The following SLC28A1 variants were observed in gnomAD, a reference collection of about 807,000 sequenced individuals.
The protein encoded by SLC28A1 is sodium/nucleoside cotransporter 1.
In SLC28A1, 64 loss-of-function variants were observed where a neutral mutation model predicts 74.8. The ratio of observed to expected loss-of-function variants is 0.86; its 90% CI spans 0.70 to 1.05. The LOEUF (loss-of-function observed/expected upper bound fraction) is 1.05. Ranked by LOEUF, SLC28A1 falls within the 50% of genes least tolerant of loss-of-function variation. The pLI, the probability that SLC28A1 is intolerant of heterozygous loss-of-function variation, is 0.00. For synonymous variants in SLC28A1, 359 were observed against 335.0 expected (o/e 1.07, Z -0.78); for missense variants, 828 against 822.8 (o/e 1.01, Z -0.08).
At chr15:84,886,991 G>T (rs1390227001) in intron 2 of SLC28A1, among the ~76,000 whole-genome samples, 2 of 152,196 alleles carry the variant, frequency 1.3e-5, no homozygotes, top group East Asian at 3.9e-4. Context: ...GAGAGAGGAG[G>T]TGTTAGTTAC....
intron 6 of SLC28A1, among the ~76,000 whole-genome samples, chr15:84,900,026 A>T (rs1966484723): frequency 6.6e-6 from 1 of 152,068 alleles, no homozygotes; most frequent in Non-Finnish European, 1.5e-5. Context: ...GCAGGCAAGC[A>T]AGCCTGCCGG....
At chr15:84,974,146 C>T in the SLC28A1 span, among the ~76,000 whole-genome samples, 2 of 152,304 alleles carry the variant, frequency 1.3e-5, no homozygotes, top group South Asian at 4.1e-4. Flanking sequence ...ATCGTTGCGG[C>T]TGACATTTAA....
the SLC28A1 span, among the ~76,000 whole-genome samples, chr15:84,953,792 T>G: frequency 6.6e-6 from 1 of 152,328 alleles, no homozygotes; most frequent in East Asian, 1.9e-4. Context: ...TTACCTCATT[T>G]GTAAAAAATG....
At chr15:84,901,256 A>G (rs189051920) in intron 6 of SLC28A1, among the ~76,000 whole-genome samples, 18 of 152,368 alleles carry the variant, frequency 1.2e-4, no homozygotes, top group African/African-American at 4.3e-4. Flanking sequence ...CTATAACCCC[A>G]GCACTTTGGG....
rs540796214 is a variant in SLC28A1 at position 84,891,615 on chromosome 15, G to C, written c.277+1081G>C. On this transcript the variant is annotated intron_variant, in intron 5 of 18. Transcript: ENST00000394573. ...CAAAGGAGCAAGGGTTTCAAGGAGGGAAAGATCAGCAGCATCTCTGCAAGA... is the reference window on the plus strand; with the variant it reads ...CAAAGGAGCAAGGGTTTCAAGGAGGCAAAGATCAGCAGCATCTCTGCAAGA... Among the ~76,000 whole-genome samples the C allele has an allele frequency of 7.9e-5, 12 of 152,304 alleles. No individual in the cohort carries two copies. In the East Asian group the frequency reaches 1.9e-3, roughly 24 times the overall value.
rs1482764423 is a variant in SLC28A1, at chr15:84,945,567, C to G, written c.*367C>G. 1 of 327,996 alleles carries G rather than the reference C, an allele frequency of 3.0e-6. No individual in the cohort carries two copies. The highest frequency in any genetic ancestry group is 7.8e-5 in the East Asian group (1 of 12,862). The allele number at this position is 327,996 out of a possible 1,614,324, so 20.3% of individuals were successfully genotyped here. On this transcript the variant is annotated 3_prime_UTR_variant, in exon 19 of 19. Coordinates refer to ENST00000394573, the MANE Select transcript of SLC28A1 (RefSeq NM_004213.5). ...CTTCCCTTCTGTTGTGGGCTGCACA[C>G]CAAAGCCTCCTCCCCTCCCCACTTC...
At chr15:84,891,748 C>T (rs1199527159) in intron 5 of SLC28A1, among the ~76,000 whole-genome samples, 2 of 152,180 alleles carry the variant, frequency 1.3e-5, no homozygotes, top group African/African-American at 2.4e-5. Flanking sequence ...GCAGATGAGG[C>T]TGTGCAGACA....
the SLC28A1 span, among the ~76,000 whole-genome samples, chr15:84,967,979 T>A: frequency 6.6e-6 from 1 of 152,136 alleles, no homozygotes; most frequent in Non-Finnish European, 1.5e-5. Flanking sequence ...GGATTTCCTA[T>A]CTGGTCCACT....
the SLC28A1 span, among the ~76,000 whole-genome samples, chr15:84,963,531 C>T: frequency 6.6e-6 from 1 of 152,182 alleles, no homozygotes; most frequent in Non-Finnish European, 1.5e-5. Context: ...CACCCTTTCA[C>T]AAAGTGGCCC....
At chr15:84,944,150 C>G (rs1973038927) in intron 16 of SLC28A1, among the ~76,000 whole-genome samples, 1 of 152,200 alleles carries the variant, frequency 6.6e-6, no homozygotes, top group Admixed American at 6.5e-5. Flanking sequence ...GCACAGTTCT[C>G]AGTTCTTTAC....
chr15:84,916,910 C>T (rs1270104695), intron 9 of SLC28A1, among the ~76,000 whole-genome samples: 1 of 151,746 alleles, frequency 6.6e-6, no homozygotes, highest in Non-Finnish European at 1.5e-5. Context: ...CGCCTGTAAT[C>T]CCAGCTACTT....
Position 84,944,962 on chromosome 15 carries a change from T to C in SLC28A1, c.1874+95T>C, listed in dbSNP as rs186938578. The C allele has an allele frequency of 1.9e-3, 2,047 of 1,101,704 alleles. 10 individuals carry two copies. Among genetic ancestry groups the C allele is most frequent in the South Asian group, 2.7e-3 (219 of 79,826 alleles). The allele number at this position is 1,101,704 out of a possible 1,614,324, so 68.2% of individuals were successfully genotyped here. On this transcript the variant is annotated intron_variant, in intron 18 of 18. Transcript: ENST00000394573. ...GATGCCTTTGGTACCAGGGTGAGGGTAGAAATGTTACGGCTGCAGCTAATG... is the reference window on the plus strand; with the variant it reads ...GATGCCTTTGGTACCAGGGTGAGGGCAGAAATGTTACGGCTGCAGCTAATG...
intron 14 of SLC28A1, 22 bp from the exon 15 acceptor site, chr15:84,935,299 A>AGCCATACCGTTGTGCCC (rs772189503): frequency 3.5e-5 from 57 of 1,613,860 alleles, no homozygotes; most frequent in Non-Finnish European, 3.4e-6. Flanking sequence ...CCTCGGTGCC[A>AGCCATACCGTTGTGCCC]GCCATACCGT....
Position 84,888,830 on chromosome 15 carries a change from G to A in SLC28A1, c.155G>A (p.Ser52Asn). 6 of 1,553,844 alleles carry A rather than the reference G, an allele frequency of 3.9e-6. No individual in the cohort carries two copies. Among genetic ancestry groups the A allele is most frequent in the African/African-American group, 1.4e-5 (1 of 73,290 alleles). Residue 52 changes from serine (S) to asparagine (N), a missense_variant, in exon 4 of 19, where the codon AGC becomes AAC. By Grantham distance (46) the Ser-to-Asn change is conservative. Around this residue, in one of 3 missense-constraint regions of SLC28A1, gnomAD observed 767 missense variants for 753.5 expected, o/e 1.02. Transcript: ENST00000394573. ...CCCGCAGAGATCAGGAGCAGCTGGA[G>A]CGAGGCGGCGCCGAAGCCCTTCTCC... ...LSPAEIRSSW[S>N]EAAPKPFSRW... is the part of the protein sequence containing the mutation.
chr15:84,922,717 CT>C (rs1417223779), intron 11 of SLC28A1, among the ~76,000 whole-genome samples: 1 of 152,272 alleles, frequency 6.6e-6, no homozygotes, highest in Admixed American at 6.5e-5. Flanking sequence ...CACCTGCCCC[CT>C]CTGCCTCTGT....
chr15:84,902,239 G>A (rs1465801482), intron 6 of SLC28A1, among the ~76,000 whole-genome samples: 1 of 152,162 alleles, frequency 6.6e-6, no homozygotes, highest in Non-Finnish European at 1.5e-5. Context: ...CAGCACTTTG[G>A]GAGGCTGAGG....
intron 13 of SLC28A1, among the ~76,000 whole-genome samples, chr15:84,934,556 G>A (rs1466856276): frequency 2.0e-5 from 3 of 152,170 alleles, no homozygotes; most frequent in Non-Finnish European, 4.4e-5. Context: ...TGAGGCACTG[G>A]AGCAGCGCTG....
chr15:84,959,581 T>A, the SLC28A1 span, among the ~76,000 whole-genome samples: 1 of 152,152 alleles, frequency 6.6e-6, no homozygotes, highest in African/African-American at 2.4e-5. Flanking sequence ...CTGAAAATTG[T>A]CCTTAAGCTT....
the SLC28A1 span, among the ~76,000 whole-genome samples, chr15:84,952,853 C>T: frequency 3.3e-5 from 5 of 151,680 alleles, no homozygotes; most frequent in Non-Finnish European, 2.9e-5. Context: ...AGTGAGACCC[C>T]GTCTCAAAAA....
Sources: allele counts gnomAD v4.1 joint callset (sites outside exome capture counted in the v4.1 genomes callset), GRCh38; gene constraint gnomAD v4.1.1; regional missense constraint gnomAD v4.1.1; transcripts MANE v1.5; gene names NCBI Gene and HGNC (gene_info 2026-07-23, HGNC 2026-07-21).